H3C3: variants seen among roughly 807,000 people sequenced by gnomAD.
H3C3 encodes the protein histone H3.1.
Under a neutral mutation model 7.7 loss-of-function variants are expected in H3C3, and 14 were observed. The observed-to-expected ratio is 1.81, with a 90% CI of 1.20 to 2.83. The LOEUF (loss-of-function observed/expected upper bound fraction) is 2.83. Ranked by LOEUF, H3C3 falls within the 30% of genes most tolerant of loss-of-function variation. The pLI is 0.00. For synonymous variants in H3C3, 178 were observed against 77.1 expected, an observed-to-expected ratio of 2.31 and a Z score of -6.86; for missense variants, 205 against 191.2, an observed-to-expected ratio of 1.07 and a Z score of -0.43.
chr6:26,045,477 A>G lies in H3C3; in HGVS notation c.67A>G (p.Thr23Ala), dbSNP rs745690555. 18 of 1,612,342 alleles carry G rather than the reference A, an allele frequency of 1.1e-5. 1 individual carries two copies. The East Asian group carries it at 3.8e-4, about 34-fold the overall frequency. Residue 23 changes from threonine (T) to alanine (A), a missense_variant, in exon 1 of 1, where the codon ACT (threonine) becomes GCT (alanine). Thr to Ala is a moderately conservative substitution (Grantham distance 58, BLOSUM62 0). Coordinates refer to ENST00000612966, the MANE Select transcript of H3C3 (RefSeq NM_003531.3). ...CAAAGCTCCGCGCAAGCAGCTTGCT[A>G]CTAAAGCAGCCCGTAAGAGCGCTCC... ...GGKAPRKQLA[T>A]KAARKSAPAT...
Position 26,045,678 on chromosome 6 carries a change from G to A in H3C3, c.268G>A (p.Val90Met), listed in dbSNP as rs1180039833. The part of the protein sequence containing the change: ...KTDLRFQSSA[V>M]MALQEACEAY... ...CGACCTGCGTTTCCAGAGCTCTGCGGTGATGGCGCTGCAGGAGGCTTGTGA... is the reference window on the plus strand; with the variant it reads ...CGACCTGCGTTTCCAGAGCTCTGCGATGATGGCGCTGCAGGAGGCTTGTGA... Residue 90 changes from valine to methionine, a missense_variant, in exon 1 of 1, where the codon GTG (valine) becomes ATG (methionine). Physicochemically the swap from Val to Met is conservative, Grantham distance 21. Transcript: ENST00000612966. 3.1e-6 allele frequency: 5 copies of A among 1,614,116 alleles called. No individual in the cohort carries two copies. The highest frequency in any genetic ancestry group is 2.2e-5 in the East Asian group (1 of 44,896).
Position 26,045,851 on chromosome 6 carries a change from C to T in H3C3, c.*30C>T. ...GCCCGTTTCTTCCTCATTGAAAAGG[C>T]TCTTTTCAGAGCCACTCACAATTTC... On this transcript the variant is annotated 3_prime_UTR_variant, in exon 1 of 1. Coordinates refer to ENST00000612966, the MANE Select transcript of H3C3 (RefSeq NM_003531.3). 6.3e-7 allele frequency: 1 copy of T among 1,595,112 alleles called. No individual in the cohort carries two copies.
rs576312429 is a variant in H3C3, at chr6:26,045,614, C to T, written c.204C>T (p.Phe68=). The change falls in exon 1 of 1, where the codon TTC becomes TTT. Residue 68 remains phenylalanine, a synonymous_variant. Transcript: ENST00000612966. The part of the protein sequence containing the change: ...STELLIRKLP[F]QRLVREIAQD... ...AGCTGCTGATCCGGAAGCTGCCGTTCCAGCGCCTGGTGCGAGAAATCGCCC... is the reference window on the plus strand; with the variant it reads ...AGCTGCTGATCCGGAAGCTGCCGTTTCAGCGCCTGGTGCGAGAAATCGCCC... 6.2e-6 allele frequency: 10 copies of T among 1,614,244 alleles called. No homozygotes were observed. Among genetic ancestry groups the T allele is most frequent in the Middle Eastern group, 1.6e-4 (1 of 6,062 alleles).
At position 26,045,389 on chromosome 6, in the gene H3C3, T is replaced by A. The variant is rs1761723521; in HGVS notation, c.-22T>A. On this transcript the variant is annotated 5_prime_UTR_variant, in exon 1 of 1. Coordinates refer to ENST00000612966, the MANE Select transcript of H3C3 (RefSeq NM_003531.3). Reference sequence around the variant, plus strand: ...CCACTTGCTCTCAGTTCACTACACTTTTGTGTGTGCTCTCATTGCAAATGG... The same window carrying A: ...CCACTTGCTCTCAGTTCACTACACTATTGTGTGTGCTCTCATTGCAAATGG... 6.3e-7 allele frequency: 1 copy of A among 1,590,398 alleles called. No homozygotes were observed. The highest frequency in any genetic ancestry group is 8.5e-7 in the Non-Finnish European group (1 of 1,173,926).
In H3C3 at chr6:26,045,450, G is replaced by A. The variant is rs1761726369; in HGVS notation, c.40G>A (p.Gly14Ser). The change falls in exon 1 of 1, where the codon GGC (glycine) becomes AGC (serine). Residue 14 changes from glycine (G) to serine (S), a missense_variant. Coordinates refer to ENST00000612966, the MANE Select transcript of H3C3 (RefSeq NM_003531.3). Reference protein sequence around the residue: ...TKQTARKSTGGKAPRKQLATK... With the variant: ...TKQTARKSTGSKAPRKQLATK... ...GCAAACAGCTCGCAAGTCTACCGGC[G>A]GCAAAGCTCCGCGCAAGCAGCTTGC... 1 of 1,609,994 alleles carries A rather than the reference G, an allele frequency of 6.2e-7. No individual in the cohort carries two copies. Among genetic ancestry groups the A allele is most frequent in the Non-Finnish European group, 8.5e-7 (1 of 1,179,118 alleles).
In H3C3 at chr6:26,045,843, TGAAAAGGCTCTTTTCAGAGCCACTC is replaced by T; in HGVS notation, c.*23_*47del. 1 of 1,606,188 alleles carries T rather than the reference TGAAAAGGCTCTTTTCAGAGCCACTC, an allele frequency of 6.2e-7. No individual in the cohort carries two copies. Among genetic ancestry groups the T allele is most frequent in the South Asian group, 1.1e-5 (1 of 90,582 alleles). On this transcript the variant is annotated 3_prime_UTR_variant, in exon 1 of 1. Transcript: ENST00000612966. ...ATAAGTCTGCCCGTTTCTTCCTCAT[TGAAAAGGCTCTTTTCAGAGCCACTC>T]ACAATTTCACTTAAAAACAGTTGTA...
Position 26,045,709 on chromosome 6 carries a change from A to G in H3C3, c.299A>G (p.Tyr100Cys). Residue 100 changes from tyrosine to cysteine, a missense_variant, in exon 1 of 1, where the codon TAC becomes TGC. Transcript: ENST00000612966. Reference sequence around the variant, plus strand: ...GCGCTGCAGGAGGCTTGTGAGGCCTACCTGGTGGGACTCTTCGAAGACACC... The same window carrying G: ...GCGCTGCAGGAGGCTTGTGAGGCCTGCCTGGTGGGACTCTTCGAAGACACC... ...VMALQEACEA[Y>C]LVGLFEDTNL... is the part of the protein sequence containing the mutation. The G allele has an allele frequency of 6.2e-7, 1 of 1,614,220 alleles. No individual in the cohort carries two copies. Among genetic ancestry groups the G allele is most frequent in the South Asian group, 1.1e-5 (1 of 91,086 alleles).
In H3C3 at chr6:26,045,847, A is replaced by G; in HGVS notation, c.*26A>G. The G allele has an allele frequency of 5.6e-6, 9 of 1,605,190 alleles. No individual in the cohort carries two copies. The highest frequency in any genetic ancestry group is 7.6e-6 in the Non-Finnish European group (9 of 1,176,786). On this transcript the variant is annotated 3_prime_UTR_variant, in exon 1 of 1. Transcript: ENST00000612966. ...GTCTGCCCGTTTCTTCCTCATTGAA[A>G]AGGCTCTTTTCAGAGCCACTCACAA...
Position 26,045,853 on chromosome 6 carries a change from C to A in H3C3, c.*32C>A. The A allele has an allele frequency of 1.3e-6, 2 of 1,588,610 alleles. No individual in the cohort carries two copies. The highest frequency in any genetic ancestry group is 1.4e-5 in the African/African-American group (1 of 73,924). On this transcript the variant is annotated 3_prime_UTR_variant, in exon 1 of 1. Coordinates refer to ENST00000612966, the MANE Select transcript of H3C3 (RefSeq NM_003531.3). ...CCGTTTCTTCCTCATTGAAAAGGCTCTTTTCAGAGCCACTCACAATTTCAC... is the reference window on the plus strand; with the variant it reads ...CCGTTTCTTCCTCATTGAAAAGGCTATTTTCAGAGCCACTCACAATTTCAC...
Position 26,045,764 on chromosome 6 carries a change from C to T in H3C3, c.354C>T (p.Val118=), listed in dbSNP as rs759429245. The T allele has an allele frequency of 8.7e-6, 14 of 1,614,242 alleles. No individual in the cohort carries two copies. The highest frequency in any genetic ancestry group is 1.2e-5 in the Non-Finnish European group (14 of 1,180,030). ...TGTGCGCTATTCACGCTAAACGCGTCACCATCATGCCCAAAGATATCCAGC... is the reference window on the plus strand; with the variant it reads ...TGTGCGCTATTCACGCTAAACGCGTTACCATCATGCCCAAAGATATCCAGC... ...TNLCAIHAKR[V]TIMPKDIQLA... The change falls in exon 1 of 1, where the codon GTC becomes GTT. Residue 118 remains valine (V), a synonymous_variant. Coordinates refer to ENST00000612966, the MANE Select transcript of H3C3 (RefSeq NM_003531.3).
Position 26,045,485 on chromosome 6 carries a change from A to G in H3C3, c.75A>G (p.Ala25=), listed in dbSNP as rs762915300. Reference sequence around the variant, plus strand: ...CGCGCAAGCAGCTTGCTACTAAAGCAGCCCGTAAGAGCGCTCCGGCCACCG... The same window carrying G: ...CGCGCAAGCAGCTTGCTACTAAAGCGGCCCGTAAGAGCGCTCCGGCCACCG... ...KAPRKQLATK[A]ARKSAPATGG... is the part of the protein sequence containing the mutation. The change falls in exon 1 of 1, where the codon GCA becomes GCG. Residue 25 remains alanine (A), a synonymous_variant. Transcript: ENST00000612966. 1.2e-6 allele frequency: 2 copies of G among 1,611,956 alleles called. No individual in the cohort carries two copies. The highest frequency in any genetic ancestry group is 1.1e-5 in the South Asian group (1 of 90,914).
Position 26,045,809 on chromosome 6 carries a change from G to T in H3C3, c.399G>T (p.Gly133=), listed in dbSNP as rs755336568. The stretch of plus-strand genomic sequence containing the variant: ...TCCAGCTGGCACGTCGCATCCGTGG[G>T]GAAAGGGCATAAGTCTGCCCGTTTC... ...KDIQLARRIR[G]ERA is the part of the protein sequence containing the mutation. The change falls in exon 1 of 1, where the codon GGG becomes GGT. Residue 133 remains glycine, a synonymous_variant. Coordinates refer to ENST00000612966, the MANE Select transcript of H3C3 (RefSeq NM_003531.3). 2 of 1,614,012 alleles carry T rather than the reference G, an allele frequency of 1.2e-6. No homozygotes were observed. Among genetic ancestry groups the T allele is most frequent in the African/African-American group, 1.3e-5 (1 of 75,056 alleles).
Position 26,045,856 on chromosome 6 carries a change from T to C in H3C3, c.*35T>C, listed in dbSNP as rs1761741580. 2 of 1,584,752 alleles carry C rather than the reference T, an allele frequency of 1.3e-6. No homozygotes were observed. Among genetic ancestry groups the C allele is most frequent in the Non-Finnish European group, 8.6e-7 (1 of 1,163,544 alleles). ...TTTCTTCCTCATTGAAAAGGCTCTT[T>C]TCAGAGCCACTCACAATTTCACTTA... On this transcript the variant is annotated 3_prime_UTR_variant, in exon 1 of 1. Coordinates refer to ENST00000612966, the MANE Select transcript of H3C3 (RefSeq NM_003531.3).
At position 26,045,417 on chromosome 6, in the gene H3C3, C is replaced by T. The variant is rs375724815; in HGVS notation, c.7C>T (p.Arg3Cys). The change falls in exon 1 of 1, where the codon CGT becomes TGT. Residue 3 changes from arginine (R) to cysteine (C), a missense_variant. Transcript: ENST00000612966. ...GTGTGTGCTCTCATTGCAAATGGCT[C>T]GTACGAAGCAAACAGCTCGCAAGTC... is the stretch of plus-strand genomic sequence containing the variant. Reference protein sequence around the residue: MARTKQTARKSTG... With the variant: MACTKQTARKSTG... 1.0e-5 allele frequency: 16 copies of T among 1,604,296 alleles called. No individual in the cohort carries two copies. The highest frequency in any genetic ancestry group is 1.4e-5 in the African/African-American group (1 of 74,040).
In H3C3 at chr6:26,045,384, A is replaced by T; in HGVS notation, c.-27A>T. On this transcript the variant is annotated 5_prime_UTR_variant, in exon 1 of 1. Coordinates refer to ENST00000612966, the MANE Select transcript of H3C3 (RefSeq NM_003531.3). ...AAAGGCCACTTGCTCTCAGTTCACTACACTTTTGTGTGTGCTCTCATTGCA... is the reference window on the plus strand; with the variant it reads ...AAAGGCCACTTGCTCTCAGTTCACTTCACTTTTGTGTGTGCTCTCATTGCA... 1 of 1,586,516 alleles carries T rather than the reference A, an allele frequency of 6.3e-7. No individual in the cohort carries two copies. The highest frequency in any genetic ancestry group is 8.5e-7 in the Non-Finnish European group (1 of 1,172,648).
At position 26,045,815 on chromosome 6, in the gene H3C3, G is replaced by A. The variant is rs150572643; in HGVS notation, c.405G>A (p.Arg135=). The A allele has an allele frequency of 1.6e-4, 257 of 1,613,440 alleles. No homozygotes were observed. Among genetic ancestry groups the A allele is most frequent in the Non-Finnish European group, 2.1e-4 (243 of 1,179,926 alleles). The change falls in exon 1 of 1, where the codon AGG becomes AGA. Residue 135 remains arginine (R), a synonymous_variant. Coordinates refer to ENST00000612966, the MANE Select transcript of H3C3 (RefSeq NM_003531.3). ...TGGCACGTCGCATCCGTGGGGAAAG[G>A]GCATAAGTCTGCCCGTTTCTTCCTC... The part of the protein sequence containing the change: ...IQLARRIRGE[R]A
At position 26,045,769 on chromosome 6, in the gene H3C3, T is replaced by C. The variant is rs1007888999; in HGVS notation, c.359T>C (p.Ile120Thr). Residue 120 changes from isoleucine (I) to threonine (T), a missense_variant, in exon 1 of 1, where the codon ATC becomes ACC. Ile to Thr is a moderately conservative substitution (Grantham distance 89). Transcript: ENST00000612966. ...LCAIHAKRVT[I>T]MPKDIQLARR... ...GCTATTCACGCTAAACGCGTCACCATCATGCCCAAAGATATCCAGCTGGCA... is the reference window on the plus strand; with the variant it reads ...GCTATTCACGCTAAACGCGTCACCACCATGCCCAAAGATATCCAGCTGGCA... The C allele has an allele frequency of 6.2e-7, 1 of 1,614,226 alleles. No individual in the cohort carries two copies. The highest frequency in any genetic ancestry group is 1.7e-5 in the Admixed American group (1 of 60,028).
In H3C3 at chr6:26,045,600, C is replaced by CG. The variant is rs1226698270; in HGVS notation, c.192dup (p.Lys65GlufsTer34). 3.1e-6 allele frequency: 5 copies of CG among 1,614,136 alleles called. No homozygotes were observed. In the African/African-American group the frequency reaches 6.7e-5, roughly 22 times the overall value. ...CCAGAAGTCCACCGAGCTGCTGATC[C>CG]GGAAGCTGCCGTTCCAGCGCCTGGT... On this transcript the variant is annotated frameshift_variant, in exon 1 of 1. Coordinates refer to ENST00000612966, the MANE Select transcript of H3C3 (RefSeq NM_003531.3). LOFTEE classifies it high-confidence loss of function.
At position 26,045,515 on chromosome 6, in the gene H3C3, C is replaced by T. The variant is rs555370630; in HGVS notation, c.105C>T (p.Gly35=). ...GTAAGAGCGCTCCGGCCACCGGTGG[C>T]GTGAAGAAACCTCATCGCTACCGCC... ...AARKSAPATG[G]VKKPHRYRPG... The change falls in exon 1 of 1, where the codon GGC becomes GGT. Residue 35 remains glycine, a synonymous_variant. Coordinates refer to ENST00000612966, the MANE Select transcript of H3C3 (RefSeq NM_003531.3). 27 of 1,613,428 alleles carry T rather than the reference C, an allele frequency of 1.7e-5. No individual in the cohort carries two copies. In the Middle Eastern group the frequency reaches 5.0e-4, roughly 30 times the overall value.
Sources: allele counts gnomAD v4.1 joint callset, GRCh38; gene constraint gnomAD v4.1.1; transcripts MANE v1.5; gene names NCBI Gene and HGNC (gene_info 2026-07-23, HGNC 2026-07-21).